The following CASR variants were observed in gnomAD, a reference collection of about 807,000 sequenced individuals.
The protein encoded by CASR is extracellular calcium-sensing receptor.
A neutral mutation model predicts 69.1 loss-of-function variants in CASR; 23 were observed. The observed-to-expected ratio is 0.33, with a 90% CI of 0.24 to 0.47. The LOEUF is 0.47. Ranked by LOEUF, CASR falls within the 20% of genes least tolerant of loss-of-function variation. The pLI is 1.00. For synonymous variants in CASR, 541 were observed against 544.7 expected (o/e 0.99, Z 0.10); for missense variants, 924 against 1,356.1 (o/e 0.68, Z 5.00).
intron 1 of CASR, among the ~76,000 whole-genome samples, chr3:122,252,911 C>T (rs886802586): frequency 6.6e-6 from 1 of 152,146 alleles, no homozygotes; most frequent in Non-Finnish European, 1.5e-5. Context: ...GCCCCATCAA[C>T]CTGTAATTGG....
At chr3:122,256,827 G>A (rs2074559343) in intron 2 of CASR, among the ~76,000 whole-genome samples, 1 of 152,060 alleles carries the variant, frequency 6.6e-6, no homozygotes, top group South Asian at 2.1e-4. Flanking sequence ...CATGTTTTTG[G>A]CCAGGCTGGT....
chr3:122,205,880 G>A (rs558984048), intron 1 of CASR, among the ~76,000 whole-genome samples: 1 of 151,832 alleles, frequency 6.6e-6, no homozygotes, highest in African/African-American at 2.4e-5. Flanking sequence ...GTTCACTGGT[G>A]GTGTATATAA....
chr3:122,191,398 G>A (rs557251452), intron 1 of CASR, among the ~76,000 whole-genome samples: 62 of 152,210 alleles, frequency 4.1e-4, no homozygotes, highest in Middle Eastern at 3.4e-3. Flanking sequence ...TGCAACTTCT[G>A]CCTTCCGGGT....
chr3:122,225,868 A>G (rs565668249), intron 1 of CASR, among the ~76,000 whole-genome samples: 1 of 152,378 alleles, frequency 6.6e-6, no homozygotes, highest in Admixed American at 6.5e-5. Flanking sequence ...TGTGGTACAT[A>G]TATGCTACAG....
At chr3:122,280,309 C>T (rs940560796) in intron 5 of CASR, among the ~76,000 whole-genome samples, 3 of 152,126 alleles carry the variant, frequency 2.0e-5, no homozygotes, top group Non-Finnish European at 2.9e-5. Flanking sequence ...ACAAGGATGC[C>T]CGCTCTCACC....
At chr3:122,274,441 T>C (rs2074792589) in intron 4 of CASR, among the ~76,000 whole-genome samples, 1 of 152,252 alleles carries the variant, frequency 6.6e-6, no homozygotes, top group African/African-American at 2.4e-5. Context: ...CAGTGCCATC[T>C]CTGGAGTGGA....
intron 1 of CASR, among the ~76,000 whole-genome samples, chr3:122,239,906 G>A (rs943550445): frequency 6.6e-6 from 1 of 152,020 alleles, no homozygotes; most frequent in Admixed American, 6.6e-5. Context: ...GCCCTCAAAG[G>A]GACAAATCTA....
rs200618807 is a variant in CASR at position 122,213,576 on chromosome 3, C to T, written c.-243+29764C>T. Reference sequence around the variant, plus strand: ...AATATACATACTTGGCACCATACCCCATATGAATTCTGGGCCAAGGCTGAG... The same window carrying T: ...AATATACATACTTGGCACCATACCCTATATGAATTCTGGGCCAAGGCTGAG... On this transcript the variant is annotated intron_variant, in intron 1 of 6. Coordinates refer to ENST00000639785, the MANE Select transcript of CASR (RefSeq NM_000388.4). Among the ~76,000 whole-genome samples, 5 of 152,346 alleles carry T rather than the reference C, an allele frequency of 3.3e-5. No individual in the cohort carries two copies. In the East Asian group the frequency reaches 9.6e-4, roughly 29 times the overall value.
At chr3:122,258,358 CTTT>C (rs34570632) in intron 3 of CASR, among the ~76,000 whole-genome samples, 19,362 of 115,038 alleles carry the variant, frequency 0.17, 1,420 homozygotes, top group East Asian at 0.41. Context: ...GGGAGGGCTC[CTTT>C]TTTTTTTTTT....
chr3:122,230,269 G>C (rs1446514905), intron 1 of CASR, among the ~76,000 whole-genome samples: 2 of 152,230 alleles, frequency 1.3e-5, no homozygotes, highest in Non-Finnish European at 2.9e-5. Context: ...CAGCGATGAC[G>C]CCTCGCGGTG....
intron 4 of CASR, 129 bp downstream of exon 4, chr3:122,262,541 A>T: frequency 1.3e-6 from 1 of 786,414 alleles, no homozygotes; most frequent in Non-Finnish European, 2.1e-6. Context: ...GGAGCTTTGG[A>T]TTCAAAGTAC....
chr3:122,273,599 C>T (rs2074783296), intron 4 of CASR, among the ~76,000 whole-genome samples: 1 of 152,078 alleles, frequency 6.6e-6, no homozygotes. Flanking sequence ...ATGGTAGGTA[C>T]ATGGGACCAA....
chr3:122,222,501 T>TTAG (rs1222237341), intron 1 of CASR, among the ~76,000 whole-genome samples: 3 of 152,158 alleles, frequency 2.0e-5, no homozygotes, highest in Non-Finnish European at 4.4e-5. Context: ...TAATCCTTTC[T>TTAG]TAGTAGTAGT....
intron 3 of CASR, among the ~76,000 whole-genome samples, chr3:122,259,981 A>G (rs988009789): frequency 6.6e-6 from 1 of 152,254 alleles, no homozygotes; most frequent in Non-Finnish European, 1.5e-5. Context: ...TGGAAAAACT[A>G]GAGAACACAA....
chr3:122,283,718 C>A lies in CASR; in HGVS notation c.1764C>A (p.Asp588Glu), dbSNP rs1270715219. 1 of 1,614,176 alleles carries A rather than the reference C, an allele frequency of 6.2e-7. No homozygotes were observed. Among genetic ancestry groups the A allele is most frequent in the African/African-American group, 1.3e-5 (1 of 75,056 alleles). Reference protein sequence around the residue: ...DASACNKCPDDFWSNENHTSC... With the variant: ...DASACNKCPDEFWSNENHTSC... ...GTGCCTGTAACAAGTGCCCAGATGACTTCTGGTCCAATGAGAACCACACCT... is the reference window on the plus strand; with the variant it reads ...GTGCCTGTAACAAGTGCCCAGATGAATTCTGGTCCAATGAGAACCACACCT... The change falls in exon 7 of 7, where the codon GAC (aspartate) becomes GAA (glutamate). Residue 588 changes from aspartate (D) to glutamate (E), a missense_variant. Asp to Glu is a conservative substitution (Grantham distance 45). Around this residue, in one of 8 missense-constraint regions of CASR, gnomAD observed 18 missense variants for 57.9 expected, o/e 0.31. Transcript: ENST00000639785.
chr3:122,236,443 C>A (rs1469301757), intron 1 of CASR, among the ~76,000 whole-genome samples: 1 of 152,090 alleles, frequency 6.6e-6, no homozygotes, highest in Admixed American at 6.6e-5. Context: ...GAGACATGTT[C>A]CTTCAAAAAT....
At position 122,257,626 on chromosome 3, in the gene CASR, G is replaced by A. The variant is rs1016148326; in HGVS notation, c.492+239G>A. 3.7e-5 allele frequency: 13 copies of A among 346,868 alleles called. No homozygotes were observed. In the Middle Eastern group the frequency reaches 4.0e-3, roughly 108 times the overall value. The allele number at this position is 346,868 out of a possible 1,614,324, so 21.5% of individuals were successfully genotyped here. On this transcript the variant is annotated intron_variant, in intron 3 of 6. Transcript: ENST00000639785. ...TTTTAAATGTACCTTGCATAAAACT[G>A]TGTCTTTTTTTAAAAAGAGGCATTC...
At chr3:122,271,756 C>T (rs1391549060) in intron 4 of CASR, among the ~76,000 whole-genome samples, 2 of 152,178 alleles carry the variant, frequency 1.3e-5, no homozygotes, top group African/African-American at 4.8e-5. Context: ...CTGTCACTCC[C>T]TAGGCCCCCA....
intron 1 of CASR, among the ~76,000 whole-genome samples, chr3:122,188,983 C>G (rs2073815422): frequency 6.6e-6 from 1 of 152,232 alleles, no homozygotes; most frequent in Non-Finnish European, 1.5e-5. Flanking sequence ...AGCTTTATTA[C>G]TGTTTCCACC....
Sources: allele counts gnomAD v4.1 joint callset (sites outside exome capture counted in the v4.1 genomes callset), GRCh38; gene constraint gnomAD v4.1.1; regional missense constraint gnomAD v4.1.1; transcripts MANE v1.5; gene names NCBI Gene and HGNC (gene_info 2026-07-23, HGNC 2026-07-21).